NTM: variants seen among roughly 807,000 people sequenced by gnomAD.
NTM encodes IgLON family member 2.
NTM carries 13 observed loss-of-function variants against 42.1 expected under a neutral mutation model. The observed-to-expected ratio is 0.31, with a 90% confidence interval of 0.20 to 0.49. The LOEUF (loss-of-function observed/expected upper bound fraction) is 0.49. Among genes scored for constraint, NTM ranks in the 20% least tolerant of loss-of-function variants. The probability of loss-of-function intolerance (pLI) is 0.99; values close to 1 mark genes in which losing one functional copy is unlikely to be tolerated. For missense variants in NTM, 373 were observed against 452.8 expected (o/e 0.82, Z 1.60); for synonymous variants, 187 against 179.2 (o/e 1.04, Z -0.35).
At chr11:131,874,047 AT>A (rs1393415367) in intron 1 of NTM, among the ~76,000 whole-genome samples, 521 of 40,408 alleles carry the variant, frequency 0.013, 23 homozygotes, top group African/African-American at 0.074. Flanking sequence ...ATATATATAT[AT>A]ATATATATAT....
chr11:131,589,850 A>T (rs573289252), intron 1 of NTM, among the ~76,000 whole-genome samples: 1 of 152,298 alleles, frequency 6.6e-6, no homozygotes, highest in East Asian at 1.9e-4. Context: ...GGCTTATATC[A>T]GGTAATACAG....
chr11:132,145,278 A>C (rs1166318157), intron 2 of NTM, among the ~76,000 whole-genome samples: 2 of 152,256 alleles, frequency 1.3e-5, no homozygotes. Context: ...GTTGCAAAAC[A>C]TCAAAGGAGA....
intron 1 of NTM, among the ~76,000 whole-genome samples, chr11:131,393,764 T>C (rs1278754103): frequency 2.6e-5 from 4 of 152,262 alleles, no homozygotes. Flanking sequence ...TCTAGTGGCA[T>C]GTGCCAGATC....
intron 4 of NTM, among the ~76,000 whole-genome samples, chr11:132,263,519 C>T (rs1325611657): frequency 6.6e-6 from 1 of 152,214 alleles, no homozygotes; most frequent in Non-Finnish European, 1.5e-5. Context: ...CCTTAGTGTT[C>T]TTTCTTTTCC....
At chr11:131,926,194 T>G (rs1361059194) in intron 2 of NTM, among the ~76,000 whole-genome samples, 3 of 152,176 alleles carry the variant, frequency 2.0e-5, no homozygotes, top group African/African-American at 7.2e-5. Context: ...TGTTGTTCAC[T>G]AGAGTCCCTG....
intron 7 of NTM, among the ~76,000 whole-genome samples, chr11:132,329,914 C>A (rs1387381881): frequency 6.6e-6 from 1 of 152,204 alleles, no homozygotes; most frequent in Non-Finnish European, 1.5e-5. Flanking sequence ...TCGTTCACAT[C>A]CTTCTCCAGC....
At chr11:131,862,457 T>C (rs1368036368) in intron 1 of NTM, among the ~76,000 whole-genome samples, 2 of 152,244 alleles carry the variant, frequency 1.3e-5, no homozygotes, top group African/African-American at 4.8e-5. Context: ...CACTCATTTC[T>C]TCATTCTGCA....
intron 2 of NTM, among the ~76,000 whole-genome samples, chr11:132,107,338 C>CTT (rs2062513060): frequency 8.0e-6 from 1 of 124,772 alleles, no homozygotes; most frequent in African/African-American, 3.3e-5. Flanking sequence ...AAAGATTTAT[C>CTT]CTTTTTTTTT....
At chr11:131,778,150 T>C (rs1262837925) in intron 1 of NTM, among the ~76,000 whole-genome samples, 17 of 152,190 alleles carry the variant, frequency 1.1e-4, no homozygotes, top group Admixed American at 1.0e-3. Context: ...TAAGCACCTG[T>C]CATTCAAATC....
intron 2 of NTM, among the ~76,000 whole-genome samples, chr11:131,918,682 CCT>C (rs1047128588): frequency 6.6e-6 from 1 of 152,092 alleles, no homozygotes; most frequent in Non-Finnish European, 1.5e-5. Flanking sequence ...TTGCCAAGTT[CCT>C]CTCCCACTAG....
At chr11:131,813,876 C>T (rs2136333634) in intron 1 of NTM, among the ~76,000 whole-genome samples, 1 of 152,248 alleles carries the variant, frequency 6.6e-6, no homozygotes, top group East Asian at 1.9e-4. Context: ...GGAGTCCCTT[C>T]AACCCACAGC....
At chr11:131,681,505 A>ATG (rs540153310) in intron 1 of NTM, among the ~76,000 whole-genome samples, 4,558 of 6,250 alleles carry the variant, frequency 0.73, 2,027 homozygotes, top group African/African-American at 0.89. Context: ...GTGTGTGAGC[A>ATG]TGTGTTTCTG....
At chr11:131,721,996 C>CAAA (rs71475771) in intron 1 of NTM, among the ~76,000 whole-genome samples, 116 of 10,264 alleles carry the variant, frequency 0.011, 7 homozygotes, top group African/African-American at 0.02. Context: ...AACTCTGTCT[C>CAAA]AAAAAAAAAA....
At chr11:131,956,603 G>A (rs912905603) in intron 2 of NTM, among the ~76,000 whole-genome samples, 1 of 151,998 alleles carries the variant, frequency 6.6e-6, no homozygotes, top group Non-Finnish European at 1.5e-5. Flanking sequence ...TGTCTCGGGG[G>A]GTTGGGGGTG....
At chr11:131,911,349 C>T (rs916878126) in intron 1 of NTM, 2 of 1,515,494 alleles carry the variant, frequency 1.3e-6, no homozygotes, top group Non-Finnish European at 1.8e-6. Context: ...TTTCTCCTCC[C>T]CGCGCCTCCC....
intron 3 of NTM, among the ~76,000 whole-genome samples, chr11:132,179,301 G>A (rs2077228294): frequency 6.6e-6 from 1 of 152,172 alleles, no homozygotes; most frequent in African/African-American, 2.4e-5. Flanking sequence ...CCAATCCAAA[G>A]TACCCTAATG....
At chr11:131,802,744 A>G (rs2092229414) in intron 1 of NTM, among the ~76,000 whole-genome samples, 1 of 152,222 alleles carries the variant, frequency 6.6e-6, no homozygotes, top group South Asian at 2.1e-4. Context: ...TGCACTCCGT[A>G]TGGCTAACAA....
intron 1 of NTM, among the ~76,000 whole-genome samples, chr11:131,658,768 G>A (rs1433276674): frequency 6.6e-6 from 1 of 152,166 alleles, no homozygotes; most frequent in Non-Finnish European, 1.5e-5. Flanking sequence ...TCAGGAGTTA[G>A]AGAACAGCCT....
intron 1 of NTM, among the ~76,000 whole-genome samples, chr11:131,677,537 C>T (rs1482016568): frequency 6.6e-6 from 1 of 152,214 alleles, no homozygotes; most frequent in Non-Finnish European, 1.5e-5. Flanking sequence ...CGCAGCCATA[C>T]ATGACCCTGA....
Sources: gnomAD v4.1 joint callset for allele counts (sites outside exome capture counted in the v4.1 genomes callset) on GRCh38, gnomAD v4.1.1 for gene constraint, MANE v1.5 for transcripts, NCBI Gene and HGNC (gene_info 2026-07-23, HGNC 2026-07-21) for gene names.